SCML4: variants seen among roughly 807,000 people sequenced by gnomAD.
SCML4 encodes Scm polycomb group protein like 4, also known as sex comb on midleg-like protein 4.
A neutral mutation model predicts 41.1 loss-of-function variants in SCML4; 34 were observed. The ratio of observed to expected loss-of-function variants is 0.83; its 90% CI spans 0.63 to 1.10. The LOEUF (loss-of-function observed/expected upper bound fraction) is 1.10. Among genes scored for constraint, SCML4 ranks in the 50% least tolerant of loss-of-function variants. The pLI, the probability that SCML4 is intolerant of heterozygous loss-of-function variation, is 0.00. For missense variants in SCML4, 522 were observed against 534.1 expected, an observed-to-expected ratio of 0.98 and a Z score of 0.22; for synonymous variants, 214 against 220.9, an observed-to-expected ratio of 0.97 and a Z score of 0.28.
chr6:107,737,541 A>G (rs1777193510), intron 5 of SCML4, among the ~76,000 whole-genome samples: 1 of 152,154 alleles, frequency 6.6e-6, no homozygotes. Flanking sequence ...GAGAAGAACC[A>G]TCTTAGCACA....
At position 107,753,552 on chromosome 6, in the gene SCML4, A is replaced by G. The variant is rs147787132; in HGVS notation, c.157-3739T>C. 1.9e-3 allele frequency among the ~76,000 whole-genome samples: 291 copies of G among 152,330 alleles called. 2 individuals carry two copies. The highest frequency in any genetic ancestry group is 6.5e-3 in the African/African-American group (270 of 41,576). ...ATGTTCTGGAGATTGGTTGCATGACAATGTGAATATACTTAACACTATTGA... is the reference window on the plus strand; with the variant it reads ...ATGTTCTGGAGATTGGTTGCATGACGATGTGAATATACTTAACACTATTGA... On this transcript the variant is annotated intron_variant, in intron 2 of 7. Transcript: ENST00000369020.
At chr6:107,749,513 C>G (rs987012922) in intron 3 of SCML4, among the ~76,000 whole-genome samples, 171 bp downstream of exon 3, 2 of 152,212 alleles carry the variant, frequency 1.3e-5, no homozygotes, top group African/African-American at 4.8e-5. Flanking sequence ...GACATATAAA[C>G]TGGTGCTCTC....
chr6:107,807,442 T>C (rs941117868), intron 1 of SCML4, among the ~76,000 whole-genome samples: 1 of 152,190 alleles, frequency 6.6e-6, no homozygotes, highest in Non-Finnish European at 1.5e-5. Flanking sequence ...ATGGGTAAAC[T>C]TTGAGGGGCC....
intron 6 of SCML4, among the ~76,000 whole-genome samples, chr6:107,714,318 C>A (rs1340113530): frequency 6.6e-6 from 1 of 152,136 alleles, no homozygotes; most frequent in Non-Finnish European, 1.5e-5. Flanking sequence ...GTTACCTCTG[C>A]TGGGAAGCCT....
chr6:107,787,073 C>T (rs1412524495), intron 1 of SCML4, among the ~76,000 whole-genome samples: 1 of 152,176 alleles, frequency 6.6e-6, no homozygotes, highest in African/African-American at 2.4e-5. Context: ...CCTGTGTCGG[C>T]CCTGGACAGA....
the SCML4 span, among the ~76,000 whole-genome samples, chr6:107,845,183 C>G: frequency 6.6e-6 from 1 of 152,078 alleles, no homozygotes; most frequent in African/African-American, 2.4e-5. Context: ...TTGCAATGAG[C>G]CAAGAATGCA....
At chr6:107,796,613 C>T (rs1782735430) in intron 1 of SCML4, among the ~76,000 whole-genome samples, 2 of 152,148 alleles carry the variant, frequency 1.3e-5, no homozygotes, top group African/African-American at 4.8e-5. Context: ...TCTCTAAATA[C>T]AGTCTTTTAA....
intron 1 of SCML4, among the ~76,000 whole-genome samples, chr6:107,774,886 G>C (rs752338387): frequency 3.3e-5 from 5 of 151,980 alleles, no homozygotes; most frequent in Non-Finnish European, 7.4e-5. Context: ...AGCTGGGCAT[G>C]GTGGCAGGCG....
chr6:107,780,080 G>A (rs746612748), intron 1 of SCML4, among the ~76,000 whole-genome samples: 8 of 152,158 alleles, frequency 5.3e-5, no homozygotes, highest in African/African-American at 9.7e-5. Context: ...CACAGAGCAC[G>A]CCTGGCACCG....
intron 5 of SCML4, among the ~76,000 whole-genome samples, chr6:107,721,400 C>T (rs1010738845): frequency 6.6e-6 from 1 of 151,980 alleles, no homozygotes; most frequent in Non-Finnish European, 1.5e-5. Flanking sequence ...TCCATCTCTA[C>T]TAAAAATACA....
rs183476656 is a variant in SCML4, at chr6:107,793,421, G to A, written c.-59-21035C>T. 3.9e-5 allele frequency among the ~76,000 whole-genome samples: 6 copies of A among 152,316 alleles called. No individual in the cohort carries two copies. The South Asian group carries it at 1.0e-3, about 26-fold the overall frequency. ...GACACAGAACCAATAACTGGGAAGC[G>A]TACAGGACAAACAAATGCTTAAAAC... On this transcript the variant is annotated intron_variant, in intron 1 of 7. Coordinates refer to ENST00000369020, the MANE Select transcript of SCML4 (RefSeq NM_198081.5).
chr6:107,734,277 G>C (rs370856945), intron 5 of SCML4, among the ~76,000 whole-genome samples: 6 of 152,312 alleles, frequency 3.9e-5, no homozygotes, highest in East Asian at 3.9e-4. Flanking sequence ...TAGACAAGAA[G>C]AGTGTTCACT....
intron 5 of SCML4, among the ~76,000 whole-genome samples, chr6:107,731,260 A>G (rs1186056284): frequency 6.6e-6 from 1 of 152,226 alleles, no homozygotes; most frequent in Non-Finnish European, 1.5e-5. Flanking sequence ...ACAAGGCTTA[A>G]CTGCTTACAG....
the SCML4 span, among the ~76,000 whole-genome samples, chr6:107,845,091 G>A: frequency 0.93 from 141,177 of 152,056 alleles, 66,360 homozygotes; most frequent in Non-Finnish European, 1. Context: ...CAAAAAATTA[G>A]CCGGGCATGT....
chr6:107,806,376 G>A (rs559663116), intron 1 of SCML4, among the ~76,000 whole-genome samples: 4 of 152,300 alleles, frequency 2.6e-5, no homozygotes, highest in South Asian at 2.1e-4. Flanking sequence ...TCTGCACATC[G>A]GGGTGAATTG....
chr6:107,731,610 C>T (rs1181531355), intron 5 of SCML4, among the ~76,000 whole-genome samples: 2 of 152,208 alleles, frequency 1.3e-5, no homozygotes, highest in Non-Finnish European at 2.9e-5. Flanking sequence ...GGATTGATTG[C>T]CTGACCCCTT....
In SCML4 at chr6:107,820,096, G is replaced by A. The variant is rs372672979; in HGVS notation, c.-60+4030C>T. ...CTTGCTGCTGGTCTCCACCCCATCC[G>A]CCTGAAGGCAGGGATGTTCTTGTCT... On this transcript the variant is annotated intron_variant, in intron 1 of 7. Coordinates refer to ENST00000369020, the MANE Select transcript of SCML4 (RefSeq NM_198081.5). Among the ~76,000 whole-genome samples the A allele has an allele frequency of 5.9e-5, 9 of 152,190 alleles. No homozygotes were observed. In the East Asian group the frequency reaches 7.7e-4, roughly 13 times the overall value.
chr6:107,751,569 A>ACAAT (rs1483928330), intron 2 of SCML4, among the ~76,000 whole-genome samples: 1 of 135,254 alleles, frequency 7.4e-6, no homozygotes, highest in Non-Finnish European at 1.6e-5. Flanking sequence ...TAACATTTTA[A>ACAAT]CAATCTTTCT....
At chr6:107,831,909 C>CAA in the SCML4 span, among the ~76,000 whole-genome samples, 2 of 151,460 alleles carry the variant, frequency 1.3e-5, no homozygotes, top group East Asian at 1.9e-4. Flanking sequence ...CACACACACA[C>CAA]AAAATTAGCT....
Sources: gnomAD v4.1 joint callset for allele counts (sites outside exome capture counted in the v4.1 genomes callset) on GRCh38, gnomAD v4.1.1 for gene constraint, MANE v1.5 for transcripts, NCBI Gene and HGNC (gene_info 2026-07-23, HGNC 2026-07-21) for gene names.